MORN1: variants seen among roughly 807,000 people sequenced by gnomAD.
The protein encoded by MORN1 is MORN repeat-containing protein 1.
Under a neutral mutation model 61.9 loss-of-function variants are expected in MORN1, and 67 were observed. The observed-to-expected ratio is 1.08, with a 90% CI of 0.89 to 1.33. MORN1 has a LOEUF of 1.33. Among genes scored for constraint, MORN1 ranks in the 40% most tolerant of loss-of-function variants. The probability of loss-of-function intolerance (pLI) is 0.00; values close to 1 mark genes in which losing one functional copy is unlikely to be tolerated. For missense variants in MORN1, 752 were observed against 691.2 expected, an observed-to-expected ratio of 1.09 and a Z score of -0.99; for synonymous variants, 301 against 292.0, an observed-to-expected ratio of 1.03 and a Z score of -0.31.
rs557646713 is a variant in MORN1 at position 2,350,534 on chromosome 1, G to C, written c.1036+6898C>G. On this transcript the variant is annotated intron_variant, in intron 10 of 13. Coordinates refer to ENST00000378531, the MANE Select transcript of MORN1 (RefSeq NM_024848.3). ...GGACCCCAAGTCCACGTCAGTTTGT[G>C]GGGGTTGAGTGTGAGCTCCTGGGAG... 3.3e-5 allele frequency: 5 copies of C among 152,420 alleles called. No homozygotes were observed. The East Asian group carries it at 7.7e-4, about 24-fold the overall frequency. The allele number at this position is 152,420 out of a possible 1,614,324, so 9.4% of individuals were successfully genotyped here. A position where few individuals can be genotyped will look rare whatever the true frequency, so the allele number is the denominator to read the frequency against.
intron 10 of MORN1, chr1:2,355,337 C>T: frequency 6.6e-7 from 1 of 1,512,862 alleles, no homozygotes; most frequent in Non-Finnish European, 8.9e-7. Context: ...TGGAGTGGCG[C>T]CGGGCCCTGC....
Position 2,340,598 on chromosome 1 carries a change from G to A in MORN1, c.1037-3748C>T, listed in dbSNP as rs1279233278. Among the ~76,000 whole-genome samples, 9 of 152,316 alleles carry A rather than the reference G, an allele frequency of 5.9e-5. No individual in the cohort carries two copies. The East Asian group carries it at 9.6e-4, about 16-fold the overall frequency. On this transcript the variant is annotated intron_variant, in intron 10 of 13. Coordinates refer to ENST00000378531, the MANE Select transcript of MORN1 (RefSeq NM_024848.3). ...GGCCTCCAGCACCCCTGGTCCTGTC[G>A]CCCACTGCTTGTGTCCAGCACATGG...
chr1:2,368,137 G>T (rs1265146987), intron 8 of MORN1, among the ~76,000 whole-genome samples: 1 of 152,240 alleles, frequency 6.6e-6, no homozygotes, highest in African/African-American at 2.4e-5. Context: ...TTGCAAATTA[G>T]ATATCTGATA....
intron 12 of MORN1, among the ~76,000 whole-genome samples, chr1:2,328,532 C>T (rs533854534): frequency 2.0e-5 from 3 of 152,158 alleles, no homozygotes; most frequent in South Asian, 2.1e-4. Context: ...TGGAGGTGGC[C>T]GGGTGCGGCT....
intron 10 of MORN1, chr1:2,355,570 G>T: frequency 7.7e-7 from 1 of 1,297,502 alleles, no homozygotes; most frequent in Non-Finnish European, 1.1e-6. Flanking sequence ...CCCTGGTGGC[G>T]GAGGCTCTTC....
chr1:2,342,926 A>ATG (rs926567535), intron 10 of MORN1, among the ~76,000 whole-genome samples: 1 of 139,490 alleles, frequency 7.2e-6, no homozygotes, highest in African/African-American at 2.7e-5. Context: ...AATCATAGAG[A>ATG]TGGGGCCTCC....
At chr1:2,332,897 G>A (rs1261875719) in intron 12 of MORN1, 2 of 364,004 alleles carry the variant, frequency 5.5e-6, no homozygotes, top group East Asian at 1.5e-4. Context: ...GGGGACTGGG[G>A]CTCGGGCTGG....
chr1:2,354,066 C>T (rs1458498130), intron 10 of MORN1, among the ~76,000 whole-genome samples: 2 of 152,156 alleles, frequency 1.3e-5, no homozygotes, highest in East Asian at 1.9e-4. Flanking sequence ...GAGCAGATCA[C>T]GTGAGGTCAG....
At chr1:2,339,867 G>T (rs775410628) in intron 10 of MORN1, among the ~76,000 whole-genome samples, 1 of 152,250 alleles carries the variant, frequency 6.6e-6, no homozygotes, top group Non-Finnish European at 1.5e-5. Context: ...ACGAGGGCAC[G>T]GGAAGGCCCA....
At chr1:2,384,898 G>T in intron 6 of MORN1, 80 bp downstream of exon 6, 2 of 1,242,982 alleles carry the variant, frequency 1.6e-6, no homozygotes, top group Non-Finnish European at 2.2e-6. Context: ...CCAGGGTGAG[G>T]CTCCCCATAC....
chr1:2,341,552 G>C (rs1410001791), intron 10 of MORN1, among the ~76,000 whole-genome samples: 1 of 152,130 alleles, frequency 6.6e-6, no homozygotes. Context: ...TTAGCCAGGT[G>C]TGGTGGCAGG....
intron 10 of MORN1, chr1:2,355,228 G>A: frequency 7.1e-7 from 1 of 1,400,184 alleles, no homozygotes. Flanking sequence ...TATGCGGTGT[G>A]GAACTGCTTC....
chr1:2,366,268 A>G (rs1015424481), intron 8 of MORN1, among the ~76,000 whole-genome samples: 39 of 137,364 alleles, frequency 2.8e-4, no homozygotes, highest in East Asian at 2.7e-3. Flanking sequence ...ATAGGTGGGA[A>G]TTGAACAATG....
intron 12 of MORN1, among the ~76,000 whole-genome samples, chr1:2,330,658 C>T (rs577911733): frequency 3.0e-4 from 45 of 152,338 alleles, no homozygotes; most frequent in Non-Finnish European, 1.6e-4. Flanking sequence ...CCATTTTTCT[C>T]GGAGCCGAGG....
chr1:2,333,721 A>G (rs1641209201), intron 12 of MORN1, among the ~76,000 whole-genome samples: 1 of 152,216 alleles, frequency 6.6e-6, no homozygotes, highest in South Asian at 2.1e-4. Flanking sequence ...CAACGGTGCC[A>G]GGAGCTTCCA....
chr1:2,386,313 G>A (rs1642496897), intron 4 of MORN1: 1 of 177,626 alleles, frequency 5.6e-6, no homozygotes, highest in Admixed American at 5.9e-5. Context: ...AGGAGGGCAG[G>A]GCTTGACCTG....
intron 12 of MORN1, among the ~76,000 whole-genome samples, chr1:2,325,136 C>CT (rs112563477): frequency 0.11 from 593 of 5,228 alleles, 20 homozygotes; most frequent in Middle Eastern, 0.17. Context: ...CCTTCCTTCC[C>CT]TCCCTCCCTC....
At chr1:2,322,023 AC>A (rs1392721483) in intron 13 of MORN1, 7 of 985,016 alleles carry the variant, frequency 7.1e-6, no homozygotes, top group Middle Eastern at 5.2e-4. Context: ...AAAATAACGA[AC>A]CCTCTGAAGG....
Position 2,373,396 on chromosome 1 carries a change from C to T in MORN1, c.635-805G>A, listed in dbSNP as rs545226965. ...GGCAAAGCCAGAGCCCACCTTGGCT[C>T]GGAGGGAGACCCTCCTCGGGGTGAA... is the stretch of plus-strand genomic sequence containing the variant. On this transcript the variant is annotated intron_variant, in intron 7 of 13. Transcript: ENST00000378531. 2.6e-5 allele frequency among the ~76,000 whole-genome samples: 4 copies of T among 152,338 alleles called. No individual in the cohort carries two copies. The East Asian group carries it at 7.7e-4, about 29-fold the overall frequency.
Sources: gnomAD v4.1 joint callset for allele counts (sites outside exome capture counted in the v4.1 genomes callset) on GRCh38, gnomAD v4.1.1 for gene constraint, MANE v1.5 for transcripts, NCBI Gene and HGNC (gene_info 2026-07-23, HGNC 2026-07-21) for gene names.